NCKIPSD: variants seen among roughly 807,000 people sequenced by gnomAD.
NCKIPSD encodes the protein NCK interacting protein with SH3 domain.
Under a neutral mutation model 73.4 loss-of-function variants are expected in NCKIPSD, and 48 were observed. That is an observed-to-expected ratio of 0.65 (90% CI 0.52 to 0.83). The LOEUF is 0.83. Among genes scored for constraint, NCKIPSD ranks in the 40% least tolerant of loss-of-function variants. The pLI is 0.00. For synonymous variants in NCKIPSD, 422 were observed against 403.6 expected, an observed-to-expected ratio of 1.05 and a Z score of -0.54; for missense variants, 884 against 970.2, an observed-to-expected ratio of 0.91 and a Z score of 1.18.
At position 48,680,305 on chromosome 3, in the gene NCKIPSD, G is replaced by A. The variant is rs1233614152; in HGVS notation, c.1093-76C>T. The A allele has an allele frequency of 2.8e-6, 4 of 1,451,280 alleles. No individual in the cohort carries two copies. In the African/African-American group the frequency reaches 4.3e-5, roughly 15 times the overall value. The allele number at this position is 1,451,280 out of a possible 1,614,324, so 89.9% of individuals were successfully genotyped here. A position where few individuals can be genotyped will look rare whatever the true frequency, so the allele number is the denominator to read the frequency against. ...CTCCAGGGAGCCTCCAAGGCCTGGA[G>A]AGTCCATCTGTGGACTTTTACTCCA... On this transcript the variant is annotated intron_variant, in intron 5 of 12. Coordinates refer to ENST00000294129, the MANE Select transcript of NCKIPSD (RefSeq NM_016453.4).
intron 9 of NCKIPSD, 82 bp downstream of exon 9, chr3:48,679,295 T>G: frequency 6.2e-6 from 10 of 1,609,482 alleles, no homozygotes; most frequent in Non-Finnish European, 8.5e-6. Context: ...TGCTAGGCTG[T>G]GTAGTCAGCA....
At chr3:48,681,264 C>A in intron 5 of NCKIPSD, 23 bp downstream of exon 5, 1 of 1,556,134 alleles carries the variant, frequency 6.4e-7, no homozygotes. Context: ...GCAGGGTGGC[C>A]CTGCTGTGCC....
Position 48,683,022 on chromosome 3 carries a change from G to GA in NCKIPSD, c.172-11_172-10insT, listed in dbSNP as rs1559496243. 1 of 1,549,086 alleles carries GA rather than the reference G, an allele frequency of 6.5e-7. No individual in the cohort carries two copies. Among genetic ancestry groups the GA allele is most frequent in the East Asian group, 2.4e-5 (1 of 40,912 alleles). On this transcript the variant is annotated splice_polypyrimidine_tract_variant and intron_variant, in intron 1 of 12. Coordinates refer to ENST00000294129, the MANE Select transcript of NCKIPSD (RefSeq NM_016453.4). ...CATCCTGCTCCAGGCCCTGGGGGGG[G>GA]CAGGGGACAGCAGTTAGACCTGAAG...
In NCKIPSD at chr3:48,683,031, A is replaced by G; in HGVS notation, c.172-19T>C. On this transcript the variant is annotated intron_variant, in intron 1 of 12. Coordinates refer to ENST00000294129, the MANE Select transcript of NCKIPSD (RefSeq NM_016453.4). The stretch of plus-strand genomic sequence containing the variant: ...CCAGGCCCTGGGGGGGGCAGGGGAC[A>G]GCAGTTAGACCTGAAGGCCAAACGG... 1.9e-6 allele frequency: 3 copies of G among 1,548,808 alleles called. No individual in the cohort carries two copies. The highest frequency in any genetic ancestry group is 2.6e-6 in the Non-Finnish European group (3 of 1,146,930).
chr3:48,680,854 G>A (rs189965877), intron 5 of NCKIPSD, among the ~76,000 whole-genome samples: 1 of 152,166 alleles, frequency 6.6e-6, no homozygotes, highest in East Asian at 1.9e-4. Flanking sequence ...AGCTCTCCCA[G>A]CACCCATGTC....
intron 1 of NCKIPSD, 97 bp downstream of exon 1, chr3:48,685,540 G>T (rs1277249259): frequency 7.2e-7 from 1 of 1,389,946 alleles, no homozygotes; most frequent in East Asian, 2.9e-5. Context: ...CTGGCCTCGG[G>T]TCCCGGAGAG....
chr3:48,674,988 T>A (rs1052698323), intron 12 of NCKIPSD, among the ~76,000 whole-genome samples: 3 of 152,142 alleles, frequency 2.0e-5, no homozygotes, highest in Non-Finnish European at 2.9e-5. Flanking sequence ...AGGGAAGTCC[T>A]GCCCATCCTT....
intron 1 of NCKIPSD, among the ~76,000 whole-genome samples, chr3:48,684,478 G>A (rs962929003): frequency 4.6e-5 from 7 of 152,190 alleles, no homozygotes; most frequent in Admixed American, 3.9e-4. Context: ...ATGGGATCAC[G>A]CCAAGGGTCT....
In NCKIPSD at chr3:48,674,717, C is replaced by T. The variant is rs201005491; in HGVS notation, c.1996G>A (p.Ala666Thr). The change falls in exon 13 of 13, where the codon GCT (alanine) becomes ACT (threonine). Residue 666 changes from alanine to threonine, a missense_variant. Coordinates refer to ENST00000294129, the MANE Select transcript of NCKIPSD (RefSeq NM_016453.4). The part of the protein sequence containing the change: ...LRMEYLSLMH[A>T]IVRTTPYLQH... ...AGGTAGGGTGTGGTGCGGACTATAGCATGCATCAGGGAGAGGTACTCCATG... is the reference window on the plus strand; with the variant it reads ...AGGTAGGGTGTGGTGCGGACTATAGTATGCATCAGGGAGAGGTACTCCATG... 1.1e-5 allele frequency: 18 copies of T among 1,614,012 alleles called. No individual in the cohort carries two copies. The Middle Eastern group carries it at 1.5e-3, about 133-fold the overall frequency.
chr3:48,681,615 A>T lies in NCKIPSD; in HGVS notation c.764T>A (p.Val255Glu), dbSNP rs374640115. 1 of 1,613,908 alleles carries T rather than the reference A, an allele frequency of 6.2e-7. No individual in the cohort carries two copies. Among genetic ancestry groups the T allele is most frequent in the South Asian group, 1.1e-5 (1 of 91,078 alleles). Residue 255 changes from valine (V) to glutamate (E), a missense_variant, in exon 5 of 13, where the codon GTG becomes GAG. Val to Glu is a moderately radical substitution (Grantham distance 121). Transcript: ENST00000294129. The stretch of plus-strand genomic sequence containing the variant: ...GGAGGGAGGGGGCTGGACTTGGGAC[A>T]CGGTGGTGTGGGTGCCTCGGCGGGG... ...PVPRRGTHTT[V>E]SQVQPPPSKA...
intron 12 of NCKIPSD, 101 bp from the exon 13 acceptor site, chr3:48,674,848 AC>A: frequency 8.3e-7 from 1 of 1,210,450 alleles, no homozygotes; most frequent in Non-Finnish European, 1.2e-6. Flanking sequence ...AGGGCTGTGG[AC>A]CTGAACATCA....
chr3:48,675,530 T>TAC (rs1278297433), intron 12 of NCKIPSD, among the ~76,000 whole-genome samples: 3 of 137,208 alleles, frequency 2.2e-5, no homozygotes, highest in Non-Finnish European at 4.6e-5. Flanking sequence ...ATATATATGA[T>TAC]ATATATATAT....
rs1047111418 is a variant in NCKIPSD at position 48,685,740 on chromosome 3, G to T, written c.68C>A (p.Thr23Asn). Residue 23 changes from threonine (T) to asparagine (N), a missense_variant, in exon 1 of 13, where the codon ACC becomes AAC. Thr to Asn is a moderately conservative substitution (Grantham distance 65). Transcript: ENST00000294129. ...GCTGCTTCGCTCTAGCACCAGGAAGGTCTCGCCCGCGGCGAACGCCAGCGC... is the reference window on the plus strand; with the variant it reads ...GCTGCTTCGCTCTAGCACCAGGAAGTTCTCGCCCGCGGCGAACGCCAGCGC... Reference protein sequence around the residue: ...PNALAFAAGETFLVLERSSAH... With the variant: ...PNALAFAAGENFLVLERSSAH... 3 of 1,532,528 alleles carry T rather than the reference G, an allele frequency of 2.0e-6. No homozygotes were observed. Among genetic ancestry groups the T allele is most frequent in the African/African-American group, 2.8e-5 (2 of 70,808 alleles). 94.9% of individuals were successfully genotyped at this position (1,532,528 alleles called of 1,614,324 possible).
At chr3:48,677,807 G>A (rs1341986214) in intron 12 of NCKIPSD, among the ~76,000 whole-genome samples, 5 of 152,092 alleles carry the variant, frequency 3.3e-5, no homozygotes, top group African/African-American at 9.7e-5. Context: ...CGAACTTCCC[G>A]CTGACCTGCC....
Position 48,682,357 on chromosome 3 carries a change from G to A in NCKIPSD, c.477C>T (p.Gly159=). The A allele has an allele frequency of 6.2e-7, 1 of 1,613,934 alleles. No homozygotes were observed. The highest frequency in any genetic ancestry group is 8.5e-7 in the Non-Finnish European group (1 of 1,179,938). The part of the protein sequence containing the change: ...PSSEHLGADG[G]LYQIPLPSSQ... ...TGTCCTCCCCACACACCTGGTAGAG[G>A]CCTCCATCTGCCCCAAGATGCTCAG... is the stretch of plus-strand genomic sequence containing the variant. The change falls in exon 3 of 13, where the codon GGC becomes GGT. Residue 159 remains glycine (G), a synonymous_variant. Transcript: ENST00000294129.
intron 12 of NCKIPSD, among the ~76,000 whole-genome samples, chr3:48,675,076 G>C (rs1227740358): frequency 6.6e-6 from 1 of 151,910 alleles, no homozygotes; most frequent in Admixed American, 6.6e-5. Context: ...TCTTACCCTG[G>C]AAGACCTCGT....
rs375102769 is a variant in NCKIPSD at position 48,679,359 on chromosome 3, C to G, written c.1570+18G>C. The G allele has an allele frequency of 1.8e-5, 29 of 1,613,868 alleles. No individual in the cohort carries two copies. Among genetic ancestry groups the G allele is most frequent in the Admixed American group, 1.0e-4 (6 of 59,998 alleles). ...GGCTTAGGACCTGTGATCAGCTGGT[C>G]GGTTACTGCATTCTTACCATAGTGT... is the stretch of plus-strand genomic sequence containing the variant. On this transcript the variant is annotated intron_variant, in intron 9 of 12. Transcript: ENST00000294129.
rs751527366 is a variant in NCKIPSD, at chr3:48,681,785, G to A, written c.599-5C>T. ...AGGGCATGGTGTTGTGGCCACCTGC[G>A]AGCAGTGAGTAGAAGCTGGGCCAGG... is the stretch of plus-strand genomic sequence containing the variant. On this transcript the variant is annotated splice_polypyrimidine_tract_variant and splice_region_variant and intron_variant, in intron 4 of 12. Coordinates refer to ENST00000294129, the MANE Select transcript of NCKIPSD (RefSeq NM_016453.4). 2.1e-5 allele frequency: 31 copies of A among 1,488,038 alleles called. No individual in the cohort carries two copies. Among genetic ancestry groups the A allele is most frequent in the South Asian group, 2.8e-5 (2 of 72,174 alleles). The allele number at this position is 1,488,038 out of a possible 1,614,324, so 92.2% of individuals were successfully genotyped here.
At chr3:48,676,097 G>A (rs2077252679) in intron 12 of NCKIPSD, among the ~76,000 whole-genome samples, 2 of 152,080 alleles carry the variant, frequency 1.3e-5, no homozygotes, top group South Asian at 2.1e-4. Flanking sequence ...ATTCACCACC[G>A]CAAACCTCAA....
Sources: allele counts gnomAD v4.1 joint callset (sites outside exome capture counted in the v4.1 genomes callset), GRCh38; gene constraint gnomAD v4.1.1; transcripts MANE v1.5; gene names NCBI Gene and HGNC (gene_info 2026-07-23, HGNC 2026-07-21).